TSC22D1: variants seen among roughly 807,000 people sequenced by gnomAD.
The protein encoded by TSC22D1 is TSC22 domain family protein 1.
In TSC22D1, 9 loss-of-function variants were observed where a neutral mutation model predicts 74.2. The ratio of observed to expected loss-of-function variants is 0.12; its 90% CI spans 0.07 to 0.21. TSC22D1 has a LOEUF of 0.21. Ranked by LOEUF, TSC22D1 falls within the 10% of genes least tolerant of loss-of-function variation. The probability of loss-of-function intolerance (pLI) is 1.00; values close to 1 mark genes in which losing one functional copy is unlikely to be tolerated. For missense variants in TSC22D1, 1,427 were observed against 1,304.7 expected, an observed-to-expected ratio of 1.09 and a Z score of -1.44; for synonymous variants, 586 against 492.5, an observed-to-expected ratio of 1.19 and a Z score of -2.51.
rs1218076944 is a variant in TSC22D1, at chr13:44,451,215, A to T, written c.2913-15120T>A. Among the ~76,000 whole-genome samples the T allele has an allele frequency of 2.6e-5, 4 of 152,346 alleles. No individual in the cohort carries two copies. The East Asian group carries it at 7.7e-4, about 29-fold the overall frequency. The stretch of plus-strand genomic sequence containing the variant: ...TGAGCCAATGGACAGTCCGTTAGAC[A>T]GAAACAGACAGACGGCAGCTGCAAC... On this transcript the variant is annotated intron_variant, in intron 1 of 2. Transcript: ENST00000458659.
chr13:44,505,054 C>T (rs1879385271), intron 1 of TSC22D1, among the ~76,000 whole-genome samples: 1 of 152,168 alleles, frequency 6.6e-6, no homozygotes, highest in African/African-American at 2.4e-5. Context: ...GTGCTCTTTT[C>T]CTTTAATGTC....
intron 1 of TSC22D1, among the ~76,000 whole-genome samples, chr13:44,459,789 A>G (rs550946781): frequency 5.0e-4 from 76 of 152,308 alleles, no homozygotes; most frequent in Non-Finnish European, 9.4e-4. Context: ...AGCCTTGCAC[A>G]GAGCCGGCGC....
chr13:44,475,221 T>A lies in TSC22D1; in HGVS notation c.2913-39126A>T, dbSNP rs547082189. Among the ~76,000 whole-genome samples the A allele has an allele frequency of 2.5e-3, 377 of 152,152 alleles. 2 individuals are homozygous for A. Among genetic ancestry groups the A allele is most frequent in the African/African-American group, 8.6e-3 (357 of 41,520 alleles). On this transcript the variant is annotated intron_variant, in intron 1 of 2. Transcript: ENST00000458659. The stretch of plus-strand genomic sequence containing the variant: ...AATAAACTTGAGAAAATTAAAAAAA[T>A]TTTGTAGTAGAAAAAAGATAATCCA...
chr13:44,446,817 G>GGAGGAGGAA (rs1198064015), intron 1 of TSC22D1, among the ~76,000 whole-genome samples: 2 of 133,560 alleles, frequency 1.5e-5, no homozygotes, highest in Non-Finnish European at 3.2e-5. Flanking sequence ...AGGAGGAAGA[G>GGAGGAGGAA]GAGGAGGAAG....
chr13:44,575,914 G>T lies in TSC22D1; in HGVS notation c.161C>A (p.Ser54Tyr). The T allele has an allele frequency of 1.9e-6, 3 of 1,613,896 alleles. No homozygotes were observed. The highest frequency in any genetic ancestry group is 2.5e-6 in the Non-Finnish European group (3 of 1,179,968). ...AGTGVGSNAT[S>Y]SEDFPPPSLL... ...CGACGGAGGCGGAAAATCCTCGGAA[G>T]ATGTGGCATTACTACCGACGCCGGT... is the stretch of plus-strand genomic sequence containing the variant. Residue 54 changes from serine to tyrosine, a missense_variant, in exon 1 of 3, where the codon TCT becomes TAT. By Grantham distance (144) the Ser-to-Tyr change is moderately radical. Around this residue, in one of 3 missense-constraint regions of TSC22D1, gnomAD observed 1,343 missense variants for 1,191.5 expected, o/e 1.13. Transcript: ENST00000458659.
intron 1 of TSC22D1, among the ~76,000 whole-genome samples, chr13:44,514,036 G>A (rs1487095339): frequency 6.6e-6 from 1 of 152,080 alleles, no homozygotes; most frequent in Non-Finnish European, 1.5e-5. Flanking sequence ...AATAGAAAAT[G>A]TTACCTTTTC....
At chr13:44,484,570 G>A (rs994907630) in intron 1 of TSC22D1, among the ~76,000 whole-genome samples, 1 of 152,214 alleles carries the variant, frequency 6.6e-6, no homozygotes, top group African/African-American at 2.4e-5. Context: ...GGGAGATGCG[G>A]TTGGAGAAGG....
intron 1 of TSC22D1, among the ~76,000 whole-genome samples, chr13:44,507,343 C>T (rs944467302): frequency 9.9e-5 from 15 of 151,882 alleles, no homozygotes; most frequent in Non-Finnish European, 1.8e-4. Context: ...CAAAAAGGAG[C>T]GAAAGGCCAA....
chr13:44,442,914 C>CA (rs386378995), intron 1 of TSC22D1, among the ~76,000 whole-genome samples: 38,750 of 86,954 alleles, frequency 0.45, 9,488 homozygotes, highest in East Asian at 0.57. Context: ...GAGACTCTGT[C>CA]AAAAAAAAAA....
At chr13:44,446,431 G>GT (rs1875649231) in intron 1 of TSC22D1, among the ~76,000 whole-genome samples, 1 of 151,920 alleles carries the variant, frequency 6.6e-6, no homozygotes, top group Non-Finnish European at 1.5e-5. Flanking sequence ...TATGCCCACT[G>GT]TTTTTCAAAA....
intron 1 of TSC22D1, among the ~76,000 whole-genome samples, chr13:44,536,456 C>A (rs1409819102): frequency 1.3e-5 from 2 of 151,772 alleles, no homozygotes; most frequent in Non-Finnish European, 3.0e-5. Flanking sequence ...AAATATTACC[C>A]TTCTCCATGC....
chr13:44,575,466 G>A lies in TSC22D1; in HGVS notation c.609C>T (p.His203=). Residue 203 remains histidine, a synonymous_variant, in exon 1 of 3, where the codon CAC becomes CAT. Transcript: ENST00000458659. ...QPHLPQPHLP[H]LPQQNVVING... is the part of the protein sequence containing the mutation. ...TGATCACAACATTCTGTTGTGGAAG[G>A]TGAGGCAAATGAGGCTGAGGAAGGT... The A allele has an allele frequency of 6.2e-7, 1 of 1,614,144 alleles. No individual in the cohort carries two copies. Among genetic ancestry groups the A allele is most frequent in the Non-Finnish European group, 8.5e-7 (1 of 1,180,042 alleles).
chr13:44,542,492 T>A (rs1881536854), intron 1 of TSC22D1, among the ~76,000 whole-genome samples: 2 of 152,076 alleles, frequency 1.3e-5, no homozygotes, highest in Non-Finnish European at 2.9e-5. Flanking sequence ...AAAAACCAAA[T>A]GTCCGAAGGT....
In TSC22D1 at chr13:44,573,849, C is replaced by T. The variant is rs1883969071; in HGVS notation, c.2226G>A (p.Val742=). The part of the protein sequence containing the change: ...IGQQANIPTA[V]QQPSTQVPPS... ...GTGGAACCTGGGTAGAGGGCTGCTG[C>T]ACTGCAGTAGGTATGTTTGCTTGCT... The change falls in exon 1 of 3, where the codon GTG becomes GTA. Residue 742 remains valine (V), a synonymous_variant. Transcript: ENST00000458659. The T allele has an allele frequency of 1.2e-6, 2 of 1,614,108 alleles. No individual in the cohort carries two copies. Among genetic ancestry groups the T allele is most frequent in the Non-Finnish European group, 8.5e-7 (1 of 1,180,034 alleles).
intron 1 of TSC22D1, among the ~76,000 whole-genome samples, chr13:44,468,667 A>G (rs1877431937): frequency 6.7e-6 from 1 of 149,956 alleles, no homozygotes; most frequent in Non-Finnish European, 1.5e-5. Context: ...ATACTATGGG[A>G]ATGTTCAAGT....
At chr13:44,512,112 G>A (rs1489344424) in intron 1 of TSC22D1, among the ~76,000 whole-genome samples, 1 of 152,032 alleles carries the variant, frequency 6.6e-6, no homozygotes, top group Admixed American at 6.5e-5. Context: ...ACTCAAATTT[G>A]AACGCCCACT....
In TSC22D1 at chr13:44,432,230, G is replaced by A. The variant is rs1277406926; in HGVS notation, c.*2396C>T. 2.0e-5 allele frequency: 3 copies of A among 151,836 alleles called. No homozygotes were observed. Among genetic ancestry groups the A allele is most frequent in the African/African-American group, 7.3e-5 (3 of 41,312 alleles). 9.4% of individuals were successfully genotyped at this position (151,836 alleles called of 1,614,324 possible). On this transcript the variant is annotated 3_prime_UTR_variant, in exon 3 of 3. Coordinates refer to ENST00000458659, the MANE Select transcript of TSC22D1 (RefSeq NM_183422.4). ...ATGAGTCTCACATTTTTAATAAAAA[G>A]ACCCAAAGTTCCATTAAATAATGGA...
chr13:44,570,054 A>G (rs190396010), intron 1 of TSC22D1, among the ~76,000 whole-genome samples: 1 of 152,224 alleles, frequency 6.6e-6, no homozygotes, highest in Non-Finnish European at 1.5e-5. Context: ...TGAAGGATGA[A>G]TAGAAGTTTG....
intron 1 of TSC22D1, among the ~76,000 whole-genome samples, chr13:44,473,915 G>A (rs1423712930): frequency 6.6e-6 from 1 of 152,134 alleles, no homozygotes; most frequent in Non-Finnish European, 1.5e-5. Flanking sequence ...TTAAAAAGCT[G>A]TTATGCAACT....
Sources: gnomAD v4.1 joint callset for allele counts (sites outside exome capture counted in the v4.1 genomes callset) on GRCh38, gnomAD v4.1.1 for gene constraint, gnomAD v4.1.1 regional missense constraint, MANE v1.5 for transcripts, NCBI Gene and HGNC (gene_info 2026-07-23, HGNC 2026-07-21) for gene names.